The following CNTN1 variants were observed in gnomAD, a reference collection of about 807,000 sequenced individuals.
The protein encoded by CNTN1 is contactin 1.
Under a neutral mutation model 126.4 loss-of-function variants are expected in CNTN1, and 38 were observed. The observed-to-expected ratio is 0.30, with a 90% confidence interval of 0.23 to 0.39. The LOEUF (loss-of-function observed/expected upper bound fraction) is 0.39, where lower values mean the gene tolerates loss of function less well. Among genes scored for constraint, CNTN1 ranks in the 10% least tolerant of loss-of-function variants. CNTN1 has a pLI of 1.00. For synonymous variants in CNTN1, 413 were observed against 422.6 expected (o/e 0.98, Z 0.28); for missense variants, 1,009 against 1,248.4 (o/e 0.81, Z 2.89).
At chr12:40,972,270 G>A (rs1462348553) in intron 15 of CNTN1, 1 of 985,226 alleles carries the variant, frequency 1.0e-6, no homozygotes, top group Admixed American at 6.2e-5. Context: ...TTTTTACTGG[G>A]AGGACTTGAG....
intron 1 of CNTN1, among the ~76,000 whole-genome samples, chr12:40,856,588 C>G (rs1199274878): frequency 6.6e-6 from 1 of 152,000 alleles, no homozygotes; most frequent in Non-Finnish European, 1.5e-5. Flanking sequence ...GTGCTAATTT[C>G]AGAAAGTCGA....
chr12:40,725,331 G>T (rs932202098), intron 1 of CNTN1, among the ~76,000 whole-genome samples: 1 of 145,942 alleles, frequency 6.9e-6, no homozygotes, highest in Non-Finnish European at 1.5e-5. Context: ...AACCTGAGAG[G>T]CAGAGGTTGC....
intron 1 of CNTN1, among the ~76,000 whole-genome samples, chr12:40,827,540 TC>T (rs1941655035): frequency 6.6e-6 from 1 of 152,202 alleles, no homozygotes; most frequent in Non-Finnish European, 1.5e-5. Flanking sequence ...AAAAGCCAAT[TC>T]CTTATATCTC....
intron 1 of CNTN1, among the ~76,000 whole-genome samples, chr12:40,716,091 G>C (rs535081047): frequency 1.3e-5 from 2 of 151,836 alleles, no homozygotes; most frequent in Admixed American, 1.3e-4. Flanking sequence ...AACTCAAAAG[G>C]TAACTTTAAA....
intron 3 of CNTN1, among the ~76,000 whole-genome samples, chr12:40,916,957 A>G (rs1945267082): frequency 6.8e-6 from 1 of 146,710 alleles, no homozygotes; most frequent in South Asian, 2.1e-4. Flanking sequence ...ACTATTGAAT[A>G]AAAGTTTCAG....
intron 1 of CNTN1, among the ~76,000 whole-genome samples, chr12:40,721,070 T>C (rs1387503089): frequency 1.3e-5 from 2 of 151,718 alleles, no homozygotes; most frequent in East Asian, 3.8e-4. Flanking sequence ...AAGTGAAATA[T>C]GTTTTTTCTC....
In CNTN1 at chr12:40,870,718, G is replaced by T. The variant is rs138905109; in HGVS notation, c.-76-37639G>T. ...GTTGCTGATCTAAAGAAATTTTTATGCAGAATAGATGCACATAAGACACAT... is the reference window on the plus strand; with the variant it reads ...GTTGCTGATCTAAAGAAATTTTTATTCAGAATAGATGCACATAAGACACAT... On this transcript the variant is annotated intron_variant, in intron 1 of 23. Coordinates refer to ENST00000551295, the MANE Select transcript of CNTN1 (RefSeq NM_001843.4). Among the ~76,000 whole-genome samples the T allele has an allele frequency of 4.6e-3, 693 of 152,156 alleles. 6 individuals carry two copies. The highest frequency in any genetic ancestry group is 0.012 in the African/African-American group (514 of 41,524).
intron 1 of CNTN1, among the ~76,000 whole-genome samples, chr12:40,716,734 G>A (rs932518664): frequency 2.0e-5 from 3 of 152,146 alleles, no homozygotes; most frequent in Admixed American, 6.5e-5. Context: ...ATCTCATTAC[G>A]TAGTTACAGG....
At chr12:41,002,046 T>G (rs12580874) in intron 17 of CNTN1, among the ~76,000 whole-genome samples, 1 of 152,192 alleles carries the variant, frequency 6.6e-6, no homozygotes, top group East Asian at 1.9e-4. Flanking sequence ...AGAATAAAGT[T>G]GGGCAGTGTG....
At chr12:40,706,847 A>T (rs1469329381) in intron 1 of CNTN1, among the ~76,000 whole-genome samples, 1 of 152,194 alleles carries the variant, frequency 6.6e-6, no homozygotes, top group African/African-American at 2.4e-5. Flanking sequence ...GATTGTTAAA[A>T]AGGAGGAATC....
chr12:40,907,437 A>C (rs900948906), intron 1 of CNTN1, among the ~76,000 whole-genome samples: 4 of 152,228 alleles, frequency 2.6e-5, no homozygotes, highest in African/African-American at 9.6e-5. Context: ...CTACATGCTT[A>C]GTCACAGTGG....
chr12:40,876,129 T>C (rs1489703419), intron 1 of CNTN1, among the ~76,000 whole-genome samples: 1 of 134,496 alleles, frequency 7.4e-6, no homozygotes, highest in East Asian at 2.1e-4. Flanking sequence ...GCTGACATCA[T>C]TTAGTAAAAG....
intron 1 of CNTN1, among the ~76,000 whole-genome samples, chr12:40,823,435 CA>C (rs1941513052): frequency 6.6e-6 from 1 of 151,982 alleles, no homozygotes; most frequent in South Asian, 2.1e-4. Flanking sequence ...TTTTCATTGG[CA>C]AAATGGAAAT....
At chr12:40,911,115 CTG>C (rs911570917) in intron 3 of CNTN1, among the ~76,000 whole-genome samples, 2 of 152,274 alleles carry the variant, frequency 1.3e-5, no homozygotes, top group African/African-American at 4.8e-5. Context: ...GAGTCTCGCT[CTG>C]TCACCCAGGC....
chr12:40,954,872 A>T (rs1259940801), intron 14 of CNTN1, among the ~76,000 whole-genome samples: 3 of 152,136 alleles, frequency 2.0e-5, no homozygotes, highest in Non-Finnish European at 1.5e-5. Flanking sequence ...AGTATGCTTG[A>T]AGTACTGCCA....
At chr12:40,902,326 C>T (rs572655209) in intron 1 of CNTN1, among the ~76,000 whole-genome samples, 2 of 152,208 alleles carry the variant, frequency 1.3e-5, no homozygotes, top group East Asian at 1.9e-4. Flanking sequence ...AATTTCAGAT[C>T]GAGTCTGAGA....
intron 1 of CNTN1, among the ~76,000 whole-genome samples, chr12:40,694,469 A>G (rs948547287): frequency 4.6e-5 from 7 of 152,196 alleles, no homozygotes; most frequent in Admixed American, 6.5e-5. Flanking sequence ...GAAAACTTTA[A>G]TATTCCAACA....
intron 13 of CNTN1, 71 bp from the exon 14 acceptor site, chr12:40,943,924 T>G (rs1011565854): frequency 6.9e-7 from 1 of 1,445,316 alleles, no homozygotes; most frequent in African/African-American, 1.4e-5. Context: ...TATTGGTTAT[T>G]ATTTTAATAT....
chr12:40,816,203 T>G (rs1239915557), intron 1 of CNTN1, among the ~76,000 whole-genome samples: 2 of 152,208 alleles, frequency 1.3e-5, no homozygotes, highest in Non-Finnish European at 2.9e-5. Flanking sequence ...TTCAATTGTT[T>G]GGAATAGTTT....
Sources: allele counts gnomAD v4.1 joint callset (sites outside exome capture counted in the v4.1 genomes callset), GRCh38; gene constraint gnomAD v4.1.1; transcripts MANE v1.5; gene names NCBI Gene and HGNC (gene_info 2026-07-23, HGNC 2026-07-21).